The following PTGER3 variants were observed in gnomAD, a reference collection of about 807,000 sequenced individuals.
PTGER3 encodes the protein prostaglandin E receptor 3.
PTGER3 carries 22 observed loss-of-function variants against 34.7 expected under a neutral mutation model. The observed-to-expected ratio is 0.63, with a 90% CI of 0.45 to 0.91. The LOEUF (loss-of-function observed/expected upper bound fraction) is 0.91, where lower values mean the gene tolerates loss of function less well. Among genes scored for constraint, PTGER3 ranks in the 40% least tolerant of loss-of-function variants. PTGER3 has a pLI of 0.00. For synonymous variants in PTGER3, 241 were observed against 230.1 expected (o/e 1.05, Z -0.43); for missense variants, 468 against 519.4 (o/e 0.90, Z 0.96).
intron 4 of PTGER3, among the ~76,000 whole-genome samples, chr1:70,934,343 G>T (rs1434281833): frequency 6.6e-6 from 1 of 152,086 alleles, no homozygotes; most frequent in Non-Finnish European, 1.5e-5. Flanking sequence ...AGTATACACA[G>T]GAGTAATATG....
At chr1:70,942,708 G>A (rs1649868756) in intron 4 of PTGER3, among the ~76,000 whole-genome samples, 2 of 152,178 alleles carry the variant, frequency 1.3e-5, no homozygotes, top group Non-Finnish European at 2.9e-5. Flanking sequence ...GACTGTACTT[G>A]CAGACAGGGC....
chr1:70,934,651 A>G (rs1649034204), intron 4 of PTGER3, among the ~76,000 whole-genome samples: 2 of 152,194 alleles, frequency 1.3e-5, no homozygotes, highest in South Asian at 4.1e-4. Context: ...GGATGTCTCC[A>G]TTGATACATA....
chr1:70,879,328 C>T (rs922382293), intron 4 of PTGER3, among the ~76,000 whole-genome samples: 1 of 152,134 alleles, frequency 6.6e-6, no homozygotes, highest in African/African-American at 2.4e-5. Context: ...CTCACTGCAA[C>T]CTCTGCCTCC....
chr1:70,960,662 A>G (rs933395293), intron 2 of PTGER3, among the ~76,000 whole-genome samples: 1 of 152,170 alleles, frequency 6.6e-6, no homozygotes, highest in East Asian at 1.9e-4. Flanking sequence ...GGAGGAAAAT[A>G]ATAAAGAATC....
chr1:70,852,757 G>T, exon 5 of PTGER3: 1 of 1,490,396 alleles, frequency 6.7e-7, no homozygotes, highest in Non-Finnish European at 9.3e-7. Flanking sequence ...TTGGGAGGTG[G>T]GTGTTTCTGT....
At chr1:70,981,348 TTTC>T (rs1654291589) in intron 2 of PTGER3, among the ~76,000 whole-genome samples, 1 of 86,246 alleles carries the variant, frequency 1.2e-5, no homozygotes, top group Non-Finnish European at 2.4e-5. Flanking sequence ...TCTTTCTTTC[TTTC>T]TTTCTTTCTT....
At chr1:70,916,741 G>T (rs1416977013) in intron 4 of PTGER3, among the ~76,000 whole-genome samples, 1 of 151,940 alleles carries the variant, frequency 6.6e-6, no homozygotes. Flanking sequence ...GGGAGGAGGA[G>T]AATGTGGGTT....
At chr1:71,017,709 C>T (rs1475483312) in intron 1 of PTGER3, among the ~76,000 whole-genome samples, 1 of 152,180 alleles carries the variant, frequency 6.6e-6, no homozygotes, top group African/African-American at 2.4e-5. Context: ...TTCCCCTTCA[C>T]CTTCCACCAT....
chr1:70,908,787 A>G (rs1308701207), intron 4 of PTGER3, among the ~76,000 whole-genome samples: 1 of 152,208 alleles, frequency 6.6e-6, no homozygotes, highest in Non-Finnish European at 1.5e-5. Context: ...CTTTGTAACA[A>G]TAGTAGTAAA....
At chr1:71,027,982 T>C (rs1177269297) in intron 1 of PTGER3, among the ~76,000 whole-genome samples, 1 of 152,130 alleles carries the variant, frequency 6.6e-6, no homozygotes, top group African/African-American at 2.4e-5. Flanking sequence ...AGATGAAAGT[T>C]TAGTGCTTTA....
chr1:70,943,309 G>T (rs1649922526), intron 4 of PTGER3, among the ~76,000 whole-genome samples: 1 of 152,106 alleles, frequency 6.6e-6, no homozygotes, highest in Admixed American at 6.6e-5. Flanking sequence ...GTTTTTATTT[G>T]TTGTCTACTT....
rs552745869 is a variant in PTGER3, at chr1:71,017,544, G to C, written c.898-5060C>G. ...ATTCTAATCCTCAGTGTTGGAGAAGGGGCTTGGTGGGAGGTGACTGGATCA... is the reference window on the plus strand; with the variant it reads ...ATTCTAATCCTCAGTGTTGGAGAAGCGGCTTGGTGGGAGGTGACTGGATCA... On this transcript the variant is annotated intron_variant, in intron 1 of 3. Transcript: ENST00000306666. Among the ~76,000 whole-genome samples the C allele has an allele frequency of 2.0e-4, 31 of 152,216 alleles. No individual in the cohort carries two copies. In the South Asian group the frequency reaches 5.8e-3, roughly 29 times the overall value.
At chr1:70,902,987 T>A (rs971571434) in intron 4 of PTGER3, among the ~76,000 whole-genome samples, 1 of 152,158 alleles carries the variant, frequency 6.6e-6, no homozygotes, top group African/African-American at 2.4e-5. Flanking sequence ...GCATATATAA[T>A]AGTTAAGATC....
intron 2 of PTGER3, chr1:71,008,484 T>TATA: frequency 1.1e-6 from 1 of 916,848 alleles, no homozygotes; most frequent in South Asian, 5.0e-5. Flanking sequence ...CTAATTCTTT[T>TATA]ATCATCATCA....
chr1:70,928,018 G>A (rs1307443599), intron 4 of PTGER3, among the ~76,000 whole-genome samples: 3 of 151,584 alleles, frequency 2.0e-5, no homozygotes, highest in East Asian at 1.9e-4. Context: ...ACTGAGCAAC[G>A]TTTATCTACT....
At chr1:71,021,702 G>A (rs2817860) in intron 1 of PTGER3, among the ~76,000 whole-genome samples, 136,133 of 151,610 alleles carry the variant, frequency 0.9, 61,237 homozygotes, top group East Asian at 0.96. Context: ...TCAGAAAATC[G>A]GAGTGTTCGT....
Position 71,046,785 on chromosome 1 carries a change from T to C in PTGER3, c.793A>G (p.Thr265Ala), listed in dbSNP as rs1439116058. 1.9e-6 allele frequency: 3 copies of C among 1,614,044 alleles called. No homozygotes were observed. The Admixed American group carries it at 5.0e-5, about 27-fold the overall frequency. ...ALVSRCRAKA[T>A]ASQSSAQWGR... Reference sequence around the variant, plus strand: ...CACTGGGCACTGGACTGAGATGCCGTGGCCTTGGCCCGGCAGCGGGACACC... The same window carrying C: ...CACTGGGCACTGGACTGAGATGCCGCGGCCTTGGCCCGGCAGCGGGACACC... Residue 265 changes from threonine (T) to alanine (A), a missense_variant, in exon 1 of 4, where the codon ACG (threonine) becomes GCG (alanine). This residue lies in a region of PTGER3 where 204 missense variants were observed against 230.8 expected (regional missense o/e 0.88). Transcript: ENST00000306666.
In PTGER3 at chr1:70,971,056, T is replaced by A; in HGVS notation, c.*674A>T. The A allele has an allele frequency of 3.0e-6, 3 of 985,338 alleles. No homozygotes were observed. The highest frequency in any genetic ancestry group is 2.4e-6 in the Non-Finnish European group (2 of 829,936). The allele number at this position is 985,338 out of a possible 1,614,324, so 61.0% of individuals were successfully genotyped here. A position where few individuals can be genotyped will look rare whatever the true frequency, so the allele number is the denominator to read the frequency against. On this transcript the variant is annotated 3_prime_UTR_variant, in exon 4 of 4. Coordinates refer to ENST00000306666, the MANE Select transcript of PTGER3 (RefSeq NM_198719.2). ...CCAAGGATGCCCTTAGCTGCATCAC[T>A]CCTTTGTCATCAAAAGCTTAGAAAT...
intron 1 of PTGER3, among the ~76,000 whole-genome samples, chr1:71,030,687 G>A (rs1161148749): frequency 1.3e-5 from 2 of 152,126 alleles, no homozygotes; most frequent in African/African-American, 4.8e-5. Context: ...TGTCAGACAA[G>A]TGAAAACTCC....
Sources: allele counts gnomAD v4.1 joint callset (sites outside exome capture counted in the v4.1 genomes callset), GRCh38; gene constraint gnomAD v4.1.1; regional missense constraint gnomAD v4.1.1; transcripts MANE v1.5; gene names NCBI Gene and HGNC (gene_info 2026-07-23, HGNC 2026-07-21).